AHCTF1: variants seen among roughly 807,000 people sequenced by gnomAD.
AHCTF1 encodes protein ELYS.
AHCTF1 carries 24 observed loss-of-function variants against 248.4 expected under a neutral mutation model. The observed-to-expected ratio is 0.10, with a 90% CI of 0.07 to 0.14. The LOEUF (loss-of-function observed/expected upper bound fraction) is 0.14. Ranked by LOEUF, AHCTF1 falls within the 10% of genes least tolerant of loss-of-function variation. The pLI is 1.00. For missense variants in AHCTF1, 2,206 were observed against 2,636.2 expected (o/e 0.84, Z 3.57); for synonymous variants, 786 against 929.8 (o/e 0.85, Z 2.81).
intron 1 of AHCTF1, chr1:246,931,056 C>G (rs148056251): frequency 1.3e-6 from 2 of 1,526,782 alleles, no homozygotes; most frequent in Admixed American, 2.1e-5. Flanking sequence ...TCTCCTTGAT[C>G]TGACCAATCG....
chr1:246,853,387 T>TATTCAAGTGCAGTGTA, intron 31 of AHCTF1, 88 bp from the exon 32 acceptor site: 1 of 1,036,762 alleles, frequency 9.6e-7, no homozygotes, highest in Non-Finnish European at 1.4e-6. Context: ...AAGGCTACAC[T>TATTCAAGTGCAGTGTA]GCACTTGAAT....
At position 246,877,298 on chromosome 1, in the gene AHCTF1, T is replaced by C. The variant is rs368823025; in HGVS notation, c.2665A>G (p.Met889Val). The C allele has an allele frequency of 2.5e-6, 4 of 1,596,190 alleles. No homozygotes were observed. Among genetic ancestry groups the C allele is most frequent in the South Asian group, 1.1e-5 (1 of 87,144 alleles). ...CGCAAAAAATTCCAGGCTTCAACCA[T>C]ACACCTGAAAGCAGTATTTATCAAA... ...HLTVLLFNRC[M>V]VEAWNFLRQH... The change falls in exon 22 of 36, where the codon ATG (methionine) becomes GTG (valine). Residue 889 changes from methionine (M) to valine (V), a missense_variant. Met to Val is a conservative substitution (Grantham distance 21, BLOSUM62 1). Around this residue, in one of 6 missense-constraint regions of AHCTF1, gnomAD observed 650 missense variants for 870.8 expected, o/e 0.75. Transcript: ENST00000648844.
At chr1:246,931,228 G>T (rs985408565) in intron 1 of AHCTF1, 10 of 1,550,250 alleles carry the variant, frequency 6.5e-6, no homozygotes, top group Middle Eastern at 3.3e-4. Flanking sequence ...CGAGTCCATC[G>T]CGTGGGAGAA....
intron 4 of AHCTF1, among the ~76,000 whole-genome samples, chr1:246,910,262 A>G (rs1665707215): frequency 6.6e-6 from 1 of 152,242 alleles, no homozygotes; most frequent in African/African-American, 2.4e-5. Flanking sequence ...AGAGGACAGA[A>G]AGAGGATTGC....
intron 24 of AHCTF1, 91 bp from the exon 25 acceptor site, chr1:246,867,902 CA>C (rs773869209): frequency 0.21 from 52,797 of 250,462 alleles, 4,042 homozygotes; most frequent in African/African-American, 0.41. Flanking sequence ...CCCCCCCCCC[CA>C]CACACACACA....
chr1:246,875,577 A>G (rs1377312574), intron 24 of AHCTF1, among the ~76,000 whole-genome samples: 1 of 152,202 alleles, frequency 6.6e-6, no homozygotes, highest in Non-Finnish European at 1.5e-5. Context: ...GGAAGAGTAA[A>G]TTGACATGGC....
chr1:246,908,763 C>T lies in AHCTF1; in HGVS notation c.557-1005G>A, dbSNP rs979006212. On this transcript the variant is annotated intron_variant, in intron 4 of 35. Coordinates refer to ENST00000648844, the MANE Select transcript of AHCTF1 (RefSeq NM_001323342.2). ...AAAAAAAATTAGCCGGGCATGGCGG[C>T]GTGCGCCTGTAGTCCCAGCTGCTGG... 3.6e-4 allele frequency among the ~76,000 whole-genome samples: 54 copies of T among 149,788 alleles called. 1 individual carries two copies. The highest frequency in any genetic ancestry group is 1.8e-4 in the Non-Finnish European group (12 of 67,656).
intron 2 of AHCTF1, 31 bp from the exon 3 acceptor site, chr1:246,916,426 ATT>A (rs931416890): frequency 1.3e-6 from 2 of 1,594,062 alleles, no homozygotes; most frequent in Non-Finnish European, 1.7e-6. Context: ...CTATTTTAAT[ATT>A]GTATATACAC....
At chr1:246,906,088 T>C (rs1248276189) in intron 5 of AHCTF1, among the ~76,000 whole-genome samples, 1 of 152,182 alleles carries the variant, frequency 6.6e-6, no homozygotes, top group Non-Finnish European at 1.5e-5. Flanking sequence ...GACGAGATAC[T>C]GCCACGAGAC....
At chr1:246,857,138 A>G (rs1661166322) in intron 30 of AHCTF1, among the ~76,000 whole-genome samples, 1 of 152,202 alleles carries the variant, frequency 6.6e-6, no homozygotes, top group Non-Finnish European at 1.5e-5. Flanking sequence ...TCTATATTCC[A>G]AGGCAGGCTG....
In AHCTF1 at chr1:246,930,656, T is replaced by A. The variant is rs1188825273; in HGVS notation, c.-8+922A>T. On this transcript the variant is annotated intron_variant, in intron 1 of 35. Coordinates refer to ENST00000648844, the MANE Select transcript of AHCTF1 (RefSeq NM_001323342.2). Reference sequence around the variant, plus strand: ...TCAAACTCCTGGGTTCAAGCGATCCTCCCGCCTCAGCCTCTCAAAGTGCTG... The same window carrying A: ...TCAAACTCCTGGGTTCAAGCGATCCACCCGCCTCAGCCTCTCAAAGTGCTG... 2.0e-5 allele frequency among the ~76,000 whole-genome samples: 3 copies of A among 150,918 alleles called. No individual in the cohort carries two copies. In the East Asian group the frequency reaches 5.9e-4, roughly 30 times the overall value.
chr1:246,894,311 G>A (rs550038550), intron 14 of AHCTF1, among the ~76,000 whole-genome samples: 3 of 152,278 alleles, frequency 2.0e-5, no homozygotes, highest in African/African-American at 7.2e-5. Flanking sequence ...GGTGGCTCAC[G>A]CCTGTAATCC....
At chr1:246,863,470 C>T (rs1661726167) in intron 27 of AHCTF1, among the ~76,000 whole-genome samples, 1 of 151,688 alleles carries the variant, frequency 6.6e-6, no homozygotes, top group Non-Finnish European at 1.5e-5. Context: ...CAGCTAATAA[C>T]TTAGGAGATG....
Position 246,855,774 on chromosome 1 carries a change from G to C in AHCTF1, c.4310C>G (p.Ser1437Cys). ...AATTGCAGGGGTGTAGGTTTCAACA[G>C]ATGTTAATCCTTCGTCCAACACTGG... Reference protein sequence around the residue: ...KVPVLDEGLTSVETYTPAIRA... With the variant: ...KVPVLDEGLTCVETYTPAIRA... Residue 1437 changes from serine (S) to cysteine (C), a missense_variant, in exon 31 of 36, where the codon TCT (serine) becomes TGT (cysteine). Transcript: ENST00000648844. 1 of 1,613,516 alleles carries C rather than the reference G, an allele frequency of 6.2e-7. No individual in the cohort carries two copies. Among genetic ancestry groups the C allele is most frequent in the Non-Finnish European group, 8.5e-7 (1 of 1,179,726 alleles).
intron 24 of AHCTF1, among the ~76,000 whole-genome samples, chr1:246,868,965 CT>C (rs1489036332): frequency 6.6e-6 from 1 of 150,540 alleles, no homozygotes; most frequent in Non-Finnish European, 1.5e-5. Flanking sequence ...CTGCCTCAGC[CT>C]GCTGAGTAGC....
At chr1:246,860,712 A>C (rs1444357193) in intron 29 of AHCTF1, among the ~76,000 whole-genome samples, 187 bp downstream of exon 29, 1 of 152,090 alleles carries the variant, frequency 6.6e-6, no homozygotes, top group Non-Finnish European at 1.5e-5. Flanking sequence ...CGCTATGTTG[A>C]CCAGGCTGGT....
intron 21 of AHCTF1, among the ~76,000 whole-genome samples, chr1:246,884,940 A>G (rs772468806): frequency 2.0e-4 from 30 of 152,314 alleles, no homozygotes; most frequent in Admixed American, 6.5e-4. Context: ...TGTCAACTCT[A>G]TCACTTCATT....
chr1:246,885,786 T>C, intron 20 of AHCTF1, 106 bp from the exon 21 acceptor site: 3 of 1,083,098 alleles, frequency 2.8e-6, no homozygotes, highest in African/African-American at 1.6e-5. Flanking sequence ...AAGACTCGTT[T>C]AAATATAAGC....
In AHCTF1 at chr1:246,869,045, C is replaced by T. The variant is rs571512366; in HGVS notation, c.3089-1234G>A. Among the ~76,000 whole-genome samples, 368 of 151,576 alleles carry T rather than the reference C, an allele frequency of 2.4e-3. 3 individuals carry two copies. The highest frequency in any genetic ancestry group is 3.5e-3 in the Non-Finnish European group (235 of 67,912). ...ATTTTTAGTAGAGACGGGGTTTCAC[C>T]ATGTTGGCCAGGATGGTCTCGATCT... On this transcript the variant is annotated intron_variant, in intron 24 of 35. Transcript: ENST00000648844.
Sources: allele counts gnomAD v4.1 joint callset (sites outside exome capture counted in the v4.1 genomes callset), GRCh38; gene constraint gnomAD v4.1.1; regional missense constraint gnomAD v4.1.1; transcripts MANE v1.5; gene names NCBI Gene and HGNC (gene_info 2026-07-23, HGNC 2026-07-21).